Variants in KLHL1 observed in about 807,000 individuals in gnomAD.
KLHL1 encodes the protein kelch-like protein 1.
KLHL1 carries 47 observed loss-of-function variants against 77.7 expected under a neutral mutation model. The observed-to-expected ratio is 0.60, with a 90% CI of 0.48 to 0.77. The LOEUF is 0.77. Ranked by LOEUF, KLHL1 falls within the 30% of genes least tolerant of loss-of-function variation. The probability of loss-of-function intolerance (pLI) is 0.00; values close to 1 mark genes in which losing one functional copy is unlikely to be tolerated. For synonymous variants in KLHL1, 360 were observed against 325.2 expected, an observed-to-expected ratio of 1.11 and a Z score of -1.15; for missense variants, 925 against 910.8, an observed-to-expected ratio of 1.02 and a Z score of -0.20.
At chr13:70,067,576 G>A (rs531001042) in intron 1 of KLHL1, among the ~76,000 whole-genome samples, 61 of 152,086 alleles carry the variant, frequency 4.0e-4, no homozygotes, top group Non-Finnish European at 7.4e-4. Flanking sequence ...GAATTCCTTT[G>A]GCCAGGAAGG....
chr13:69,855,339 G>C (rs781260580), intron 5 of KLHL1, among the ~76,000 whole-genome samples: 5,688 of 78,120 alleles, frequency 0.073, 157 homozygotes, highest in African/African-American at 0.12. Context: ...TAGATAGATA[G>C]ATAGATAGAC....
Position 70,107,387 on chromosome 13 carries a change from G to C in KLHL1, c.313C>G (p.Gln105Glu), listed in dbSNP as rs1479531189. ...TLLPVATRLQQGAPGQGTQQP... is the reference protein window; with the variant it reads ...TLLPVATRLQEGAPGQGTQQP... ...TGAGTGCCCTGCCCAGGAGCCCCTT[G>C]CTGCAGCCTCGTGGCAACTGGAAGC... Residue 105 changes from glutamine to glutamate, a missense_variant, in exon 1 of 11, where the codon CAA becomes GAA. Gln to Glu is a conservative substitution (Grantham distance 29). Coordinates refer to ENST00000377844, the MANE Select transcript of KLHL1 (RefSeq NM_020866.3). The C allele has an allele frequency of 3.1e-6, 5 of 1,614,076 alleles. No homozygotes were observed. Among genetic ancestry groups the C allele is most frequent in the Non-Finnish European group, 4.2e-6 (5 of 1,180,042 alleles).
At chr13:70,074,440 C>A (rs1477432995) in intron 1 of KLHL1, among the ~76,000 whole-genome samples, 1 of 151,980 alleles carries the variant, frequency 6.6e-6, no homozygotes, top group South Asian at 2.1e-4. Context: ...AAAAGTGGTA[C>A]TCCCCACCCC....
At chr13:69,878,667 C>A (rs1880858217) in intron 5 of KLHL1, among the ~76,000 whole-genome samples, 1 of 150,954 alleles carries the variant, frequency 6.6e-6, no homozygotes, top group Non-Finnish European at 1.5e-5. Context: ...TAAATACATA[C>A]ATGTATGTGT....
chr13:69,729,696 T>A (rs1873456881), intron 8 of KLHL1, among the ~76,000 whole-genome samples: 1 of 152,036 alleles, frequency 6.6e-6, no homozygotes, highest in African/African-American at 2.4e-5. Context: ...CACAGAATTT[T>A]AAAGCCATTA....
intron 4 of KLHL1, among the ~76,000 whole-genome samples, chr13:69,908,543 G>A (rs535287695): frequency 2.1e-4 from 31 of 147,354 alleles, no homozygotes; most frequent in African/African-American, 6.0e-4. Flanking sequence ...AAGAGAAAAC[G>A]TAAAAACCAC....
At chr13:70,087,365 GGGCAGGCTGA>G (rs1195316485) in intron 1 of KLHL1, among the ~76,000 whole-genome samples, 2 of 151,860 alleles carry the variant, frequency 1.3e-5, no homozygotes, top group Non-Finnish European at 2.9e-5. Flanking sequence ...ATAATCACTG[GGGCAGGCTGA>G]GGCATGCAAA....
At chr13:69,830,361 A>C (rs1463692999) in intron 6 of KLHL1, among the ~76,000 whole-genome samples, 1 of 150,290 alleles carries the variant, frequency 6.7e-6, no homozygotes, top group African/African-American at 2.5e-5. Context: ...GAGGGACATT[A>C]AGTAATGATA....
At chr13:69,809,482 A>G (rs1368455014) in intron 6 of KLHL1, among the ~76,000 whole-genome samples, 1 of 152,170 alleles carries the variant, frequency 6.6e-6, no homozygotes. Context: ...AAGGAGAGAT[A>G]AAGTCTTCCC....
rs995394135 is a variant in KLHL1 at position 69,790,445 on chromosome 13, C to T, written c.1639+6293G>A. The stretch of plus-strand genomic sequence containing the variant: ...ATGAGAAAACATTTCCCAATTCATC[C>T]ATGGTGCCAATATTACCTTGATACC... On this transcript the variant is annotated intron_variant, in intron 7 of 10. Coordinates refer to ENST00000377844, the MANE Select transcript of KLHL1 (RefSeq NM_020866.3). 4.6e-5 allele frequency among the ~76,000 whole-genome samples: 7 copies of T among 152,222 alleles called. No individual in the cohort carries two copies. The East Asian group carries it at 1.2e-3, about 25-fold the overall frequency.
chr13:69,891,495 T>C (rs1386784734), intron 4 of KLHL1, among the ~76,000 whole-genome samples: 1 of 152,022 alleles, frequency 6.6e-6, no homozygotes, highest in Non-Finnish European at 1.5e-5. Context: ...TGCTGTTGAA[T>C]AGATAAGAGG....
chr13:69,982,361 G>A (rs1012222899), intron 1 of KLHL1, among the ~76,000 whole-genome samples: 2 of 150,624 alleles, frequency 1.3e-5, no homozygotes, highest in Non-Finnish European at 3.0e-5. Flanking sequence ...GCTTGAACCC[G>A]AAAGGTGGAG....
At chr13:70,083,741 T>C (rs2137432816) in intron 1 of KLHL1, among the ~76,000 whole-genome samples, 1 of 152,290 alleles carries the variant, frequency 6.6e-6, no homozygotes, top group Admixed American at 6.5e-5. Context: ...TTACAATAAA[T>C]ATGTTTATTG....
intron 6 of KLHL1, among the ~76,000 whole-genome samples, chr13:69,798,504 C>T (rs1430476154): frequency 6.6e-6 from 1 of 151,930 alleles, no homozygotes; most frequent in Non-Finnish European, 1.5e-5. Flanking sequence ...TAATTTTGAA[C>T]TATTAGGAAA....
At chr13:69,840,696 ATATATGTATGTATG>A (rs940126558) in intron 5 of KLHL1, among the ~76,000 whole-genome samples, 3 of 143,734 alleles carry the variant, frequency 2.1e-5, no homozygotes, top group African/African-American at 5.2e-5. Flanking sequence ...ATATATATAT[ATATATGTATGTATG>A]TATGTATGTA....
intron 5 of KLHL1, among the ~76,000 whole-genome samples, chr13:69,855,351 G>C (rs1442155384): frequency 1.2e-5 from 1 of 86,612 alleles, no homozygotes; most frequent in Non-Finnish European, 2.4e-5. Flanking sequence ...TAGATAGACA[G>C]ACAGATAGAT....
chr13:69,831,347 C>T (rs1878754200), intron 6 of KLHL1, among the ~76,000 whole-genome samples: 1 of 149,596 alleles, frequency 6.7e-6, no homozygotes, highest in Non-Finnish European at 1.5e-5. Flanking sequence ...GAAAAGCTAG[C>T]AGATTTGGAT....
chr13:69,796,773 A>G lies in KLHL1; in HGVS notation c.1604T>C (p.Val535Ala). Residue 535 changes from valine (V) to alanine (A), a missense_variant, in exon 7 of 11, where the codon GTC becomes GCC. By Grantham distance (64) the Val-to-Ala change is moderately conservative. Transcript: ENST00000377844. ...TCTGTGTGTTGACATTGGTGGTAAG[A>G]CAGTCCATGTCTTGGTTTTGGGATT... ...CYNPKTKTWT[V>A]LPPMSTHRHG... 6.2e-7 allele frequency: 1 copy of G among 1,614,088 alleles called. No individual in the cohort carries two copies. The highest frequency in any genetic ancestry group is 1.1e-5 in the South Asian group (1 of 91,076).
intron 4 of KLHL1, among the ~76,000 whole-genome samples, chr13:69,893,226 A>ATTT (rs1175438919): frequency 2.1e-5 from 3 of 142,460 alleles, no homozygotes; most frequent in Admixed American, 1.4e-4. Context: ...AGCTACATAA[A>ATTT]TTTTTTTTTT....
Sources: allele counts gnomAD v4.1 joint callset (sites outside exome capture counted in the v4.1 genomes callset), GRCh38; gene constraint gnomAD v4.1.1; transcripts MANE v1.5; gene names NCBI Gene and HGNC (gene_info 2026-07-23, HGNC 2026-07-21).